Variants in MAF observed in about 807,000 individuals in gnomAD.
The protein encoded by MAF is transcription factor Maf.
In MAF, 10 loss-of-function variants were observed where a neutral mutation model predicts 22.0. The ratio of observed to expected loss-of-function variants is 0.45; its 90% confidence interval spans 0.28 to 0.77. MAF has a LOEUF of 0.77. Among genes scored for constraint, MAF ranks in the 30% least tolerant of loss-of-function variants. The pLI, the probability that MAF is intolerant of heterozygous loss-of-function variation, is 0.12. For synonymous variants in MAF, 337 were observed against 255.8 expected, an observed-to-expected ratio of 1.32 and a Z score of -3.03; for missense variants, 544 against 548.4, an observed-to-expected ratio of 0.99 and a Z score of 0.08.
At chr16:79,594,638 G>A (rs1439652378) in intron 1 of MAF, 85 bp from the exon 2 acceptor site, 1 of 1,449,646 alleles carries the variant, frequency 6.9e-7, no homozygotes, top group Non-Finnish European at 9.1e-7. Context: ...TTCCTCATAT[G>A]ATTTTTTTTT....
At chr16:79,339,399 C>T in the MAF span, among the ~76,000 whole-genome samples, 1 of 152,176 alleles carries the variant, frequency 6.6e-6, no homozygotes, top group African/African-American at 2.4e-5. Context: ...CTTCTCCATG[C>T]TCTTCTCCTT....
chr16:79,317,033 G>C, the MAF span, among the ~76,000 whole-genome samples: 1 of 152,166 alleles, frequency 6.6e-6, no homozygotes, highest in African/African-American at 2.4e-5. Context: ...GTAAGAGATG[G>C]AGCCAAGAGT....
At position 79,600,057 on chromosome 16, in the gene MAF, C is replaced by A. The variant is rs1913919167; in HGVS notation, c.-155G>T. 1 of 981,818 alleles carries A rather than the reference C, an allele frequency of 1.0e-6. No individual in the cohort carries two copies. Among genetic ancestry groups the A allele is most frequent in the Non-Finnish European group, 1.5e-6 (1 of 670,474 alleles). The allele number at this position is 981,818 out of a possible 1,614,324, so 60.8% of individuals were successfully genotyped here. On this transcript the variant is annotated 5_prime_UTR_variant, in exon 1 of 2. Transcript: ENST00000326043. The stretch of plus-strand genomic sequence containing the variant: ...CGGTGGCTGGCCCGAAACCTCCGAG[C>A]GCGCTCACACACACACCCCCCCGCC...
At chr16:79,265,301 G>A in the MAF span, among the ~76,000 whole-genome samples, 2 of 152,066 alleles carry the variant, frequency 1.3e-5, no homozygotes. Context: ...TCATTCTTAG[G>A]CACATAAATC....
At chr16:79,272,147 G>C in the MAF span, among the ~76,000 whole-genome samples, 10 of 152,330 alleles carry the variant, frequency 6.6e-5, no homozygotes, top group South Asian at 1.0e-3. Flanking sequence ...CCACCAGGGC[G>C]TCTCTGATGA....
At chr16:79,377,462 T>C in the MAF span, among the ~76,000 whole-genome samples, 1 of 152,222 alleles carries the variant, frequency 6.6e-6, no homozygotes, top group Non-Finnish European at 1.5e-5. Context: ...AAAAATTTTC[T>C]CCCATTCTGT....
chr16:79,300,436 T>C, the MAF span, among the ~76,000 whole-genome samples: 1 of 152,044 alleles, frequency 6.6e-6, no homozygotes. Context: ...ACACATGTAG[T>C]CCCAGCTACT....
chr16:79,493,969 A>T, the MAF span, among the ~76,000 whole-genome samples: 3 of 151,542 alleles, frequency 2.0e-5, no homozygotes, highest in African/African-American at 4.9e-5. Context: ...CCTGAAAATC[A>T]GGCTCTTTCA....
the MAF span, chr16:79,212,400 G>A: frequency 9.2e-6 from 4 of 434,050 alleles, no homozygotes; most frequent in South Asian, 9.3e-5. Flanking sequence ...CAAAGTACTT[G>A]TCATAGACTC....
At chr16:79,523,174 G>T in the MAF span, among the ~76,000 whole-genome samples, 9 of 152,256 alleles carry the variant, frequency 5.9e-5, no homozygotes, top group East Asian at 1.7e-3. Context: ...GAGAACATAA[G>T]AATTTCCATG....
chr16:79,474,892 T>C, the MAF span, among the ~76,000 whole-genome samples: 1 of 152,196 alleles, frequency 6.6e-6, no homozygotes, highest in Non-Finnish European at 1.5e-5. Flanking sequence ...AGGAGTGTGA[T>C]TCACCATCAT....
the MAF span, chr16:79,212,248 A>C: frequency 7.5e-7 from 1 of 1,336,508 alleles, no homozygotes; most frequent in Non-Finnish European, 9.9e-7. Context: ...GCATTGATCC[A>C]GGAGATAATT....
At chr16:79,445,863 A>G in the MAF span, among the ~76,000 whole-genome samples, 7 of 152,328 alleles carry the variant, frequency 4.6e-5, no homozygotes, top group Non-Finnish European at 7.4e-5. Flanking sequence ...TTTTAGCCTG[A>G]TAAGACACTA....
the MAF span, among the ~76,000 whole-genome samples, chr16:79,285,459 C>T: frequency 2.6e-5 from 4 of 151,948 alleles, no homozygotes; most frequent in Non-Finnish European, 4.4e-5. Flanking sequence ...GCAGTTTTTC[C>T]GAAAATTTGG....
At chr16:79,438,506 T>C in the MAF span, among the ~76,000 whole-genome samples, 1 of 152,144 alleles carries the variant, frequency 6.6e-6, no homozygotes, top group African/African-American at 2.4e-5. Context: ...CAGTGGGAAG[T>C]GGCATTTGCT....
chr16:79,567,209 T>G, the MAF span, among the ~76,000 whole-genome samples: 3 of 152,206 alleles, frequency 2.0e-5, no homozygotes, highest in East Asian at 5.8e-4. Context: ...TCCCAGCTAC[T>G]TGGGAGGCTG....
At chr16:79,222,680 A>G in the MAF span, among the ~76,000 whole-genome samples, 36 of 152,200 alleles carry the variant, frequency 2.4e-4, no homozygotes, top group Non-Finnish European at 4.4e-4. Flanking sequence ...AGATACAGGA[A>G]GATTTACCAA....
chr16:79,502,039 T>C, the MAF span, among the ~76,000 whole-genome samples: 1 of 152,210 alleles, frequency 6.6e-6, no homozygotes, highest in Admixed American at 6.5e-5. Flanking sequence ...TCTTAATAAT[T>C]CTGAGGATAA....
chr16:79,226,789 G>C, the MAF span, among the ~76,000 whole-genome samples: 1 of 152,040 alleles, frequency 6.6e-6, no homozygotes, highest in East Asian at 1.9e-4. Context: ...TTTTTAAAAA[G>C]TAAAATTTAG....
Sources: allele counts gnomAD v4.1 joint callset (sites outside exome capture counted in the v4.1 genomes callset), GRCh38; gene constraint gnomAD v4.1.1; transcripts MANE v1.5; gene names NCBI Gene and HGNC (gene_info 2026-07-23, HGNC 2026-07-21).